Variants in CELF2 observed in about 807,000 individuals in gnomAD.
CELF2 encodes CUGBP Elav-like family member 2, also known as CUG triplet repeat RNA-binding protein 2.
A neutral mutation model predicts 62.6 loss-of-function variants in CELF2; 8 were observed. That is an observed-to-expected ratio of 0.13 (90% confidence interval 0.07 to 0.23). The LOEUF (loss-of-function observed/expected upper bound fraction) is 0.23. CELF2 is among the 10% of genes least tolerant of loss of function. The pLI is 1.00. For synonymous variants in CELF2, 258 were observed against 250.0 expected (o/e 1.03, Z -0.30); for missense variants, 333 against 671.0 (o/e 0.50, Z 5.56).
the CELF2 span, among the ~76,000 whole-genome samples, chr10:10,679,402 G>C: frequency 6.6e-6 from 1 of 151,968 alleles, no homozygotes; most frequent in Non-Finnish European, 1.5e-5. Context: ...CCATTCTCCC[G>C]CCTCAGCCTC....
At position 11,319,864 on chromosome 10, in the gene CELF2, C is replaced by T. The variant is rs911613746; in HGVS notation, c.1097-1325C>T. ...CAAGTGGAGTAAACAGAACATTCCC[C>T]ACCTGCTCTGTTAGGGCAGTAGCGT... is the stretch of plus-strand genomic sequence containing the variant. On this transcript the variant is annotated intron_variant, in intron 10 of 12. Transcript: ENST00000633077. This position sits in a 1 kb window ranked among gnomAD's most constrained non-coding sequence, Gnocchi z 4.4. 3 of 470,978 alleles carry T rather than the reference C, an allele frequency of 6.4e-6. No individual in the cohort carries two copies. The highest frequency in any genetic ancestry group is 3.2e-4 in the Middle Eastern group (1 of 3,100). 29.2% of individuals were successfully genotyped at this position (470,978 alleles called of 1,614,324 possible).
Position 11,191,581 on chromosome 10 carries a change from G to A in CELF2, c.272-25844G>A, listed in dbSNP as rs562684476. ...TGAAATCTGAAGTCACTGAGTAGCA[G>A]GGGAGGTTGGAGCCTGGGGCACCCC... On this transcript the variant is annotated intron_variant, in intron 2 of 12. Coordinates refer to ENST00000633077, the MANE Select transcript of CELF2 (RefSeq NM_001326342.2). The surrounding 1 kb of genome is among the most constrained non-coding windows in gnomAD (Gnocchi z 4.1). Among the ~76,000 whole-genome samples the A allele has an allele frequency of 6.6e-6, 1 of 152,274 alleles. No homozygotes were observed. The highest frequency in any genetic ancestry group is 1.5e-5 in the Non-Finnish European group (1 of 68,020).
At chr10:10,796,126 G>T (rs555881575), upstream of CELF2, among the ~76,000 whole-genome samples, 1 of 152,100 alleles carries the variant, frequency 6.6e-6, no homozygotes, top group African/African-American at 2.4e-5. Flanking sequence ...GCTGTGTGGC[G>T]GTTACTCGCC....
At chr10:10,763,691 A>G in the CELF2 span, among the ~76,000 whole-genome samples, 7 of 152,208 alleles carry the variant, frequency 4.6e-5, no homozygotes, top group Non-Finnish European at 1.0e-4. Context: ...GCGGGAACAG[A>G]GGGTCCCTGT....
the CELF2 span, among the ~76,000 whole-genome samples, chr10:10,742,244 CAT>C: frequency 4.3e-4 from 66 of 152,252 alleles, no homozygotes; most frequent in South Asian, 0.013. Flanking sequence ...CACATAAAGT[CAT>C]AGTTTCCAAG....
At chr10:11,229,039 C>T (rs887231211) in intron 3 of CELF2, among the ~76,000 whole-genome samples, 15 of 152,168 alleles carry the variant, frequency 9.9e-5, no homozygotes, top group Non-Finnish European at 1.5e-5. Flanking sequence ...ACGTCCTGTC[C>T]AAGCTCCTCA....
the CELF2 span, among the ~76,000 whole-genome samples, chr10:10,471,759 T>C: frequency 6.6e-6 from 1 of 151,984 alleles, no homozygotes; most frequent in African/African-American, 2.4e-5. Context: ...TTTATGTACA[T>C]CTTTTTCATT....
intron 1 of CELF2, among the ~76,000 whole-genome samples, chr10:11,108,238 T>C (rs1357446917): frequency 6.6e-6 from 1 of 150,522 alleles, no homozygotes; most frequent in African/African-American, 2.5e-5. Context: ...CAGGTTACCA[T>C]TAGGATGTGT....
chr10:11,109,987 G>A (rs183118283), intron 1 of CELF2, among the ~76,000 whole-genome samples: 23 of 152,288 alleles, frequency 1.5e-4, no homozygotes, highest in South Asian at 4.2e-4. Flanking sequence ...GGCTGGAAGC[G>A]GTGGCTCATG....
At chr10:11,140,137 A>G in intron 1 of CELF2, among the ~76,000 whole-genome samples, 1 of 150,246 alleles carries the variant, frequency 6.7e-6, no homozygotes, top group South Asian at 2.1e-4. Flanking sequence ...CCGTAACTAA[A>G]TTTGCCTTAA....
In CELF2 at chr10:10,923,245, A is replaced by T. The variant is rs61830366; in HGVS notation, c.89+3246A>T. Among the ~76,000 whole-genome samples the T allele has an allele frequency of 4.1e-3, 629 of 152,326 alleles. 2 individuals carry two copies. The highest frequency in any genetic ancestry group is 5.4e-3 in the Non-Finnish European group (364 of 68,028). On this transcript the variant is annotated intron_variant, in intron 2 of 13. Coordinates refer to the CELF2 transcript ENST00000636488. Reference sequence around the variant, plus strand: ...TGTGACGTCTAGGAAAAATGGAAAAATGCAACTCAGGCAACTGCCAACTAG... The same window carrying T: ...TGTGACGTCTAGGAAAAATGGAAAATTGCAACTCAGGCAACTGCCAACTAG...
chr10:11,162,542 C>T, intron 1 of CELF2, among the ~76,000 whole-genome samples: 1 of 149,680 alleles, frequency 6.7e-6, no homozygotes, highest in Non-Finnish European at 1.5e-5. Context: ...AGAAGGGAAT[C>T]TGTGGAGATG....
intron 1 of CELF2, among the ~76,000 whole-genome samples, chr10:10,903,003 G>C (rs2063056138): frequency 6.6e-6 from 1 of 151,892 alleles, no homozygotes; most frequent in Non-Finnish European, 1.5e-5. Flanking sequence ...GGAAAGACAG[G>C]AAGAAAGAAA....
At chr10:11,256,841 A>G (rs977793439) in intron 4 of CELF2, among the ~76,000 whole-genome samples, 4 of 151,838 alleles carry the variant, frequency 2.6e-5, no homozygotes, top group Admixed American at 6.6e-5. Context: ...ATCTTCCCCA[A>G]TGTCAGGTGC....
rs892811224 is a variant in CELF2 at position 11,306,493 on chromosome 10, C to G, written c.977-7646C>G. On this transcript the variant is annotated intron_variant, in intron 9 of 12. Coordinates refer to ENST00000633077, the MANE Select transcript of CELF2 (RefSeq NM_001326342.2). This position sits in a 1 kb window ranked among gnomAD's most constrained non-coding sequence, Gnocchi z 4.4. ...ATTGTGCATCTGCTGAACGGTCAGT[C>G]TTTAGGTACTTGATCAAGGTTGGCT... Among the ~76,000 whole-genome samples, 1 of 152,058 alleles carries G rather than the reference C, an allele frequency of 6.6e-6. No individual in the cohort carries two copies. Among genetic ancestry groups the G allele is most frequent in the Non-Finnish European group, 1.5e-5 (1 of 68,020 alleles).
At chr10:10,967,357 T>A (rs1241132682) in intron 2 of CELF2, among the ~76,000 whole-genome samples, 4 of 152,194 alleles carry the variant, frequency 2.6e-5, no homozygotes, top group African/African-American at 9.7e-5. Context: ...GAACTTAAAA[T>A]ATATAAGGAG....
At chr10:10,637,298 A>T in the CELF2 span, among the ~76,000 whole-genome samples, 2 of 152,212 alleles carry the variant, frequency 1.3e-5, no homozygotes, top group African/African-American at 4.8e-5. Flanking sequence ...GAACAGAGAC[A>T]TTCAGCTAAA....
At chr10:11,189,006 G>A (rs868531188) in intron 2 of CELF2, among the ~76,000 whole-genome samples, 2 of 152,072 alleles carry the variant, frequency 1.3e-5, no homozygotes, top group African/African-American at 4.8e-5. Context: ...CTTGTCTTGT[G>A]GAACATACCA....
chr10:10,872,674 C>A (rs2208951), intron 1 of CELF2, among the ~76,000 whole-genome samples: 46,910 of 151,150 alleles, frequency 0.31, 8,856 homozygotes, highest in East Asian at 0.73. Context: ...ACAACAACAA[C>A]AAAAAACTGC....
Sources: allele counts gnomAD v4.1 joint callset (sites outside exome capture counted in the v4.1 genomes callset), GRCh38; gene constraint gnomAD v4.1.1; non-coding constraint Gnocchi (gnomAD v3.1); transcripts MANE v1.5; gene names NCBI Gene and HGNC (gene_info 2026-07-23, HGNC 2026-07-21).